Variants in CELSR1 observed in about 807,000 individuals in gnomAD.
The protein encoded by CELSR1 is cadherin EGF LAG seven-pass G-type receptor 1.
In CELSR1, 110 loss-of-function variants were observed where a neutral mutation model predicts 249.1. The observed-to-expected ratio is 0.44, with a 90% CI of 0.38 to 0.52. The LOEUF (loss-of-function observed/expected upper bound fraction) is 0.52, where lower values mean the gene tolerates loss of function less well. Among genes scored for constraint, CELSR1 ranks in the 20% least tolerant of loss-of-function variants. CELSR1 has a pLI of 0.00. For missense variants in CELSR1, 4,109 were observed against 4,296.4 expected (o/e 0.96, Z 1.22); for synonymous variants, 2,113 against 1,900.0 (o/e 1.11, Z -2.92).
Position 46,412,101 on chromosome 22 carries a change from C to T in CELSR1, c.4612-342G>A, listed in dbSNP as rs566545916. On this transcript the variant is annotated intron_variant, in intron 5 of 34. Coordinates refer to ENST00000674500, the MANE Select transcript of CELSR1 (RefSeq NM_001378328.1). This position sits in a 1 kb window ranked among gnomAD's most constrained non-coding sequence, Gnocchi z 4.5. ...ACAGATGCTGAGATGCAAAGGCACA[C>T]AGGGAGAAGCTGCGTGACCGCGGAG... Among the ~76,000 whole-genome samples, 4 of 152,306 alleles carry T rather than the reference C, an allele frequency of 2.6e-5. No homozygotes were observed. In the East Asian group the frequency reaches 5.8e-4, roughly 22 times the overall value.
intron 32 of CELSR1, 56 bp from the exon 33 acceptor site, chr22:46,364,792 C>A: frequency 6.5e-7 from 1 of 1,530,566 alleles, no homozygotes; most frequent in Non-Finnish European, 8.9e-7. Flanking sequence ...GAGCTGCTCC[C>A]TTGAGAGCCA....
In CELSR1 at chr22:46,363,281, G is replaced by C. The variant is rs1331625504; in HGVS notation, c.9036-34C>G. 1.1e-5 allele frequency: 18 copies of C among 1,583,442 alleles called. No homozygotes were observed. In the East Asian group the frequency reaches 4.0e-4, roughly 35 times the overall value. On this transcript the variant is annotated intron_variant, in intron 34 of 34. Transcript: ENST00000674500. The surrounding 1 kb of genome is among the most constrained non-coding windows in gnomAD (Gnocchi z 4.3). The stretch of plus-strand genomic sequence containing the variant: ...GGGAAGAAGCCAGCAAGCAGGTGAA[G>C]GGTCAGTGAGGGTAGCGGCTTGGTG...
chr22:46,380,700 T>TG lies in CELSR1; in HGVS notation c.7256+87dup, dbSNP rs1050563900. On this transcript the variant is annotated intron_variant, in intron 22 of 34. Coordinates refer to ENST00000674500, the MANE Select transcript of CELSR1 (RefSeq NM_001378328.1). The surrounding 1 kb of genome is among the most constrained non-coding windows in gnomAD (Gnocchi z 5.1). The stretch of plus-strand genomic sequence containing the variant: ...CACAGACCACAAGAGACCGTCCTCT[T>TG]GGGGCGCTCTGCCACTGAGCCCCCG... 1 of 1,470,176 alleles carries TG rather than the reference T, an allele frequency of 6.8e-7. No homozygotes were observed. Among genetic ancestry groups the TG allele is most frequent in the African/African-American group, 1.4e-5 (1 of 71,594 alleles). 91.1% of individuals were successfully genotyped at this position (1,470,176 alleles called of 1,614,324 possible). A position where few individuals can be genotyped will look rare whatever the true frequency, so the allele number is the denominator to read the frequency against.
intron 1 of CELSR1, among the ~76,000 whole-genome samples, chr22:46,513,832 C>T (rs1440511127): frequency 6.6e-6 from 1 of 152,122 alleles, no homozygotes; most frequent in Non-Finnish European, 1.5e-5. Context: ...TGCTCTGTCG[C>T]CCAGGCTGGA....
At position 46,381,920 on chromosome 22, in the gene CELSR1, G is replaced by C. The variant is rs151055274; in HGVS notation, c.7014C>G (p.Val2338=). ...GGGTGCGGTAAATGATGACCAGAGC[G>C]ACGGCGAACTGGCCAGCGTCATCAG... ...RHPDDAGQFA[V]ALVIIYRTLG... The change falls in exon 21 of 35, where the codon GTC becomes GTG. Residue 2338 remains valine, a synonymous_variant. Coordinates refer to ENST00000674500, the MANE Select transcript of CELSR1 (RefSeq NM_001378328.1). The surrounding 1 kb of genome is among the most constrained non-coding windows in gnomAD (Gnocchi z 6.0). The C allele has an allele frequency of 6.4e-7, 1 of 1,573,280 alleles. No individual in the cohort carries two copies. Among genetic ancestry groups the C allele is most frequent in the Non-Finnish European group, 8.6e-7 (1 of 1,161,368 alleles).
intron 1 of CELSR1, among the ~76,000 whole-genome samples, chr22:46,523,473 G>A (rs1055871011): frequency 4.0e-5 from 6 of 151,640 alleles, no homozygotes; most frequent in African/African-American, 9.7e-5. Context: ...GGTTGCAGTG[G>A]GCTGAGATTG....
rs768924301 is a variant in CELSR1, at chr22:46,364,033, G to A, written c.8998C>T (p.Arg3000Cys). The A allele has an allele frequency of 7.4e-6, 12 of 1,610,938 alleles. 1 individual carries two copies. The South Asian group carries it at 7.7e-5, about 10-fold the overall frequency. Residue 3000 changes from arginine (R) to cysteine (C), a missense_variant, in exon 34 of 35, where the codon CGC (arginine) becomes TGC (cysteine). This residue lies in a region of CELSR1 where 1,805 missense variants were observed against 1,831.6 expected (regional missense o/e 0.99). Transcript: ENST00000674500. ...DHLNGVAMNV[R>C]TGSAQADGSD... ...CCATCGGCCTGGGCGCTCCCAGTGC[G>A]CACATTCATGGCCACCCCGTTGAGG...
chr22:46,400,020 A>G (rs2079194468), intron 9 of CELSR1, 118 bp from the exon 10 acceptor site: 1 of 1,087,896 alleles, frequency 9.2e-7, no homozygotes, highest in African/African-American at 1.6e-5. Flanking sequence ...CACCAGATAC[A>G]AGATAGGCTT....
intron 23 of CELSR1, chr22:46,377,542 C>T (rs879652610): frequency 3.6e-5 from 17 of 475,764 alleles, no homozygotes; most frequent in Admixed American, 1.0e-4. Context: ...GGCTTTGGGG[C>T]GCCCAGGCCA....
chr22:46,501,003 T>A (rs990801313), intron 1 of CELSR1, among the ~76,000 whole-genome samples: 5 of 150,276 alleles, frequency 3.3e-5, no homozygotes, highest in African/African-American at 1.3e-4. Context: ...AGTTTATTTA[T>A]TTATTTATTT....
At position 46,387,009 on chromosome 22, in the gene CELSR1, C is replaced by T. The variant is rs996990960; in HGVS notation, c.6556-424G>A. On this transcript the variant is annotated intron_variant, in intron 18 of 34. Coordinates refer to ENST00000674500, the MANE Select transcript of CELSR1 (RefSeq NM_001378328.1). ...CTGACCTCAGGTGATTCACCTGCCT[C>T]GGCCTCCCAAAGTGCTGGGATTACA... Among the ~76,000 whole-genome samples the T allele has an allele frequency of 2.6e-5, 4 of 152,262 alleles. No homozygotes were observed. The South Asian group carries it at 6.2e-4, about 24-fold the overall frequency.
chr22:46,533,875 G>A lies in CELSR1; in HGVS notation c.3296C>T (p.Pro1099Leu). 1 of 1,613,760 alleles carries A rather than the reference G, an allele frequency of 6.2e-7. No individual in the cohort carries two copies. The highest frequency in any genetic ancestry group is 8.5e-7 in the Non-Finnish European group (1 of 1,180,036). ...GAGGATCTGGAAGTCGGGCAGCACA[G>A]GCGGGTTGTCATTCTGGTCCACGAG... ...ILLVDQNDNP[P>L]VLPDFQILFN... The change falls in exon 1 of 35, where the codon CCT (proline) becomes CTT (leucine). Residue 1099 changes from proline to leucine, a missense_variant. Around this residue, in one of 7 missense-constraint regions of CELSR1, gnomAD observed 886 missense variants for 896.5 expected, o/e 0.99. Coordinates refer to ENST00000674500, the MANE Select transcript of CELSR1 (RefSeq NM_001378328.1).
chr22:46,536,524 G>C lies in CELSR1; in HGVS notation c.647C>G (p.Pro216Arg). 1 of 1,466,542 alleles carries C rather than the reference G, an allele frequency of 6.8e-7. No individual in the cohort carries two copies. Among genetic ancestry groups the C allele is most frequent in the South Asian group, 1.4e-5 (1 of 73,556 alleles). 90.8% of individuals were successfully genotyped at this position (1,466,542 alleles called of 1,614,324 possible). A position where few individuals can be genotyped will look rare whatever the true frequency, so the allele number is the denominator to read the frequency against. Reference protein sequence around the residue: ...GTPSASPSPSPPLPPNLPEAR... With the variant: ...GTPSASPSPSRPLPPNLPEAR... ...TTCGGGCAAGTTCGGCGGCAGGGGCGGCGATGGGGATGGCGACGCGGAGGG... is the reference window on the plus strand; with the variant it reads ...TTCGGGCAAGTTCGGCGGCAGGGGCCGCGATGGGGATGGCGACGCGGAGGG... Residue 216 changes from proline (P) to arginine (R), a missense_variant, in exon 1 of 35, where the codon CCG becomes CGG. By Grantham distance (103) the Pro-to-Arg change is moderately radical. This residue lies in a region of CELSR1 where 673 missense variants were observed against 636.8 expected (regional missense o/e 1.06). Transcript: ENST00000674500.
At chr22:46,494,843 C>T (rs1354650543) in intron 1 of CELSR1, among the ~76,000 whole-genome samples, 1 of 152,114 alleles carries the variant, frequency 6.6e-6, no homozygotes, top group African/African-American at 2.4e-5. Flanking sequence ...AGTGTTCTGC[C>T]CATCTTTCAT....
At position 46,397,726 on chromosome 22, in the gene CELSR1, G is replaced by A; in HGVS notation, c.5649C>T (p.Pro1883=). 6.3e-7 allele frequency: 1 copy of A among 1,587,140 alleles called. No individual in the cohort carries two copies. Among genetic ancestry groups the A allele is most frequent in the Non-Finnish European group, 8.6e-7 (1 of 1,165,554 alleles). ...CCCAGGCGTCGTGGCAGCGGCTATTGGGGGGACAGGGGCTCGAGGTACAGG... is the reference window on the plus strand; with the variant it reads ...CCCAGGCGTCGTGGCAGCGGCTATTAGGGGGACAGGGGCTCGAGGTACAGG... ...DDPCTSSPCP[P]NSRCHDAWED... is the part of the protein sequence containing the mutation. The change falls in exon 12 of 35, where the codon CCC becomes CCT. Residue 1883 remains proline (P), a synonymous_variant. Transcript: ENST00000674500.
At chr22:46,463,657 A>C (rs1191917795) in intron 2 of CELSR1, 50 bp downstream of exon 2, 17 of 1,459,774 alleles carry the variant, frequency 1.2e-5, no homozygotes, top group Non-Finnish European at 1.5e-5. Context: ...ACCCTCGGCC[A>C]TGTGACCTGG....
Position 46,412,054 on chromosome 22 carries a change from T to A in CELSR1, c.4612-295A>T, listed in dbSNP as rs7289703. Among the ~76,000 whole-genome samples, 13,159 of 152,044 alleles carry A rather than the reference T, an allele frequency of 0.087. 1,824 individuals are homozygous for A. Among genetic ancestry groups the A allele is most frequent in the African/African-American group, 0.29 (12,105 of 41,466 alleles). On this transcript the variant is annotated intron_variant, in intron 5 of 34. Transcript: ENST00000674500. The surrounding 1 kb of genome is among the most constrained non-coding windows in gnomAD (Gnocchi z 4.5). ...GGAGTAGGCGGGCCCTGATCCAAGA[T>A]GACTGGTGTCCTCTTAAGAGGACAG...
chr22:46,386,920 G>T (rs1320870678), intron 18 of CELSR1, among the ~76,000 whole-genome samples: 1 of 152,002 alleles, frequency 6.6e-6, no homozygotes, highest in Non-Finnish European at 1.5e-5. Context: ...ACCACACCCG[G>T]CTAATTTTTG....
chr22:46,478,173 G>A lies in CELSR1; in HGVS notation c.3545-13828C>T, dbSNP rs2080229128. Among the ~76,000 whole-genome samples, 7 of 152,202 alleles carry A rather than the reference G, an allele frequency of 4.6e-5. No individual in the cohort carries two copies. The South Asian group carries it at 1.4e-3, about 31-fold the overall frequency. On this transcript the variant is annotated intron_variant, in intron 1 of 34. Transcript: ENST00000674500. ...TCAGGGCTCCTTGGCTCAGCACCCG[G>A]CTTTGCCAGACCACTCGGGCCTCTG... is the stretch of plus-strand genomic sequence containing the variant.
Sources: allele counts gnomAD v4.1 joint callset (sites outside exome capture counted in the v4.1 genomes callset), GRCh38; gene constraint gnomAD v4.1.1; regional missense constraint gnomAD v4.1.1; non-coding constraint Gnocchi (gnomAD v3.1); transcripts MANE v1.5; gene names NCBI Gene and HGNC (gene_info 2026-07-23, HGNC 2026-07-21).